The following ARHGEF28 variants were observed in gnomAD, a reference collection of about 807,000 sequenced individuals.
ARHGEF28 encodes Rho guanine nucleotide exchange factor 28.
In ARHGEF28, 152 loss-of-function variants were observed where a neutral mutation model predicts 206.6. The ratio of observed to expected loss-of-function variants is 0.74; its 90% confidence interval spans 0.64 to 0.84. The LOEUF (loss-of-function observed/expected upper bound fraction) is 0.84. ARHGEF28 is among the 40% of genes least tolerant of loss of function. The pLI is 0.00. For missense variants in ARHGEF28, 2,028 were observed against 2,073.2 expected (o/e 0.98, Z 0.42); for synonymous variants, 763 against 776.4 (o/e 0.98, Z 0.29).
At chr5:73,690,891 G>A (rs1747782048) in intron 2 of ARHGEF28, among the ~76,000 whole-genome samples, 1 of 151,856 alleles carries the variant, frequency 6.6e-6, no homozygotes, top group Non-Finnish European at 1.5e-5. Flanking sequence ...GAATATAATA[G>A]TAAGTAAAAT....
chr5:73,924,305 C>T (rs1007044918), intron 35 of ARHGEF28, among the ~76,000 whole-genome samples: 2 of 152,158 alleles, frequency 1.3e-5, no homozygotes, highest in Non-Finnish European at 2.9e-5. Flanking sequence ...GGGAATTATG[C>T]CTAGGTTCAG....
At chr5:73,764,645 G>A (rs1752798254) in intron 4 of ARHGEF28, among the ~76,000 whole-genome samples, 1 of 152,170 alleles carries the variant, frequency 6.6e-6, no homozygotes, top group Non-Finnish European at 1.5e-5. Flanking sequence ...GGAAAAACCT[G>A]CCATTATGCT....
At chr5:73,631,183 C>T (rs1743344708) in intron 1 of ARHGEF28, among the ~76,000 whole-genome samples, 4 of 152,100 alleles carry the variant, frequency 2.6e-5, no homozygotes, top group African/African-American at 9.7e-5. Context: ...TTCTATCAGG[C>T]AAAGAAGTCT....
At chr5:73,751,639 G>A (rs1457907425) in intron 3 of ARHGEF28, among the ~76,000 whole-genome samples, 1 of 152,044 alleles carries the variant, frequency 6.6e-6, no homozygotes, top group East Asian at 1.9e-4. Flanking sequence ...TTACTTGCAT[G>A]TGGTGGCGAC....
At position 73,868,027 on chromosome 5, in the gene ARHGEF28, C is replaced by G. The variant is rs1352897041; in HGVS notation, c.2297+7C>G. ...CAGGCACCACCTTGGAAAGGTAAGGCTGAGTGTGTTTTTACATATTAATGG... is the reference window on the plus strand; with the variant it reads ...CAGGCACCACCTTGGAAAGGTAAGGGTGAGTGTGTTTTTACATATTAATGG... On this transcript the variant is annotated splice_region_variant and intron_variant, in intron 19 of 35. Transcript: ENST00000513042. The G allele has an allele frequency of 1.2e-6, 2 of 1,613,798 alleles. No homozygotes were observed.
chr5:73,667,645 C>T (rs181032034), intron 1 of ARHGEF28, among the ~76,000 whole-genome samples: 2 of 152,316 alleles, frequency 1.3e-5, no homozygotes, highest in East Asian at 1.9e-4. Flanking sequence ...CTTTCCTGGA[C>T]AGCTTTTCTC....
chr5:73,847,105 G>A (rs1020115385), intron 12 of ARHGEF28, among the ~76,000 whole-genome samples: 7 of 152,008 alleles, frequency 4.6e-5, no homozygotes, highest in African/African-American at 1.7e-4. Context: ...TTTTGCGTTT[G>A]AACAGATTTT....
intron 2 of ARHGEF28, among the ~76,000 whole-genome samples, chr5:73,742,740 C>T (rs1273466285): frequency 6.7e-6 from 1 of 148,230 alleles, no homozygotes; most frequent in Admixed American, 6.8e-5. Context: ...AGGAGAATGG[C>T]GTGAACCCGG....
intron 28 of ARHGEF28, among the ~76,000 whole-genome samples, chr5:73,894,157 C>T (rs1334709766): frequency 6.6e-6 from 1 of 152,120 alleles, no homozygotes; most frequent in Non-Finnish European, 1.5e-5. Context: ...GAGAAAGGAA[C>T]CTTATTTACA....
chr5:73,800,140 A>G (rs943884145), intron 9 of ARHGEF28, among the ~76,000 whole-genome samples: 9 of 152,204 alleles, frequency 5.9e-5, no homozygotes, highest in Admixed American at 3.3e-4. Flanking sequence ...AAATTTGGGT[A>G]TATTTCCTAC....
At position 73,776,553 on chromosome 5, in the gene ARHGEF28, C is replaced by G. The variant is rs778326048; in HGVS notation, c.697C>G (p.Gln233Glu). ...ATGGTCCCCAAGCTTCTCCCGAGTG[C>G]AGCTCAGTGAAGAAGCCTCCTTGCA... ...GRWSPSFSRVQLSEEASLHYI... is the reference protein window; with the variant it reads ...GRWSPSFSRVELSEEASLHYI... The change falls in exon 6 of 36, where the codon CAG becomes GAG. Residue 233 changes from glutamine to glutamate, a missense_variant. Gln to Glu is a conservative substitution (Grantham distance 29). Around this residue, in one of 3 missense-constraint regions of ARHGEF28, gnomAD observed 1,002 missense variants for 1,015.3 expected, o/e 0.99. Coordinates refer to ENST00000513042, the MANE Select transcript of ARHGEF28 (RefSeq NM_001177693.2). 17 of 1,613,116 alleles carry G rather than the reference C, an allele frequency of 1.1e-5. No individual in the cohort carries two copies. The highest frequency in any genetic ancestry group is 1.4e-5 in the Non-Finnish European group (17 of 1,179,304).
intron 20 of ARHGEF28, among the ~76,000 whole-genome samples, chr5:73,869,399 C>T (rs563211744): frequency 7.2e-5 from 11 of 152,052 alleles, no homozygotes; most frequent in African/African-American, 1.4e-4. Flanking sequence ...CAAAATAACG[C>T]GGGGCAGAAG....
intron 2 of ARHGEF28, among the ~76,000 whole-genome samples, chr5:73,714,386 A>G (rs1749440300): frequency 6.6e-6 from 1 of 152,194 alleles, no homozygotes; most frequent in Non-Finnish European, 1.5e-5. Flanking sequence ...GTGAAGAAAA[A>G]TAAAACTGGA....
intron 2 of ARHGEF28, among the ~76,000 whole-genome samples, chr5:73,713,730 C>G (rs1561351700): frequency 2.0e-5 from 3 of 152,130 alleles, no homozygotes; most frequent in East Asian, 3.9e-4. Context: ...ACTTTTTAAA[C>G]TTAGGAATGA....
Position 73,675,791 on chromosome 5 carries a change from C to T in ARHGEF28, c.-11-9050C>T, listed in dbSNP as rs181052087. Among the ~76,000 whole-genome samples, 355 of 149,336 alleles carry T rather than the reference C, an allele frequency of 2.4e-3. 2 individuals are homozygous for T. The highest frequency in any genetic ancestry group is 8.5e-3 in the African/African-American group (345 of 40,738). ...TATTTATAAAGTTTATATTTCAATT[C>T]CTTGGCTAAAAAGGAACATAGGATC... On this transcript the variant is annotated intron_variant, in intron 1 of 35. Coordinates refer to ENST00000513042, the MANE Select transcript of ARHGEF28 (RefSeq NM_001177693.2).
intron 1 of ARHGEF28, among the ~76,000 whole-genome samples, chr5:73,632,550 C>A (rs1743434789): frequency 1.3e-5 from 2 of 152,278 alleles, no homozygotes; most frequent in Admixed American, 1.3e-4. Context: ...CTAAGTTTGT[C>A]ACAGTTCTGC....
chr5:73,866,116 A>G, intron 18 of ARHGEF28, 103 bp downstream of exon 18: 1 of 1,039,564 alleles, frequency 9.6e-7, no homozygotes, highest in Non-Finnish European at 1.4e-6. Flanking sequence ...TTATCCAGTT[A>G]TTTCTTCTTT....
chr5:73,831,309 C>T (rs1254560385), intron 9 of ARHGEF28, among the ~76,000 whole-genome samples: 4 of 152,306 alleles, frequency 2.6e-5, no homozygotes, highest in African/African-American at 9.6e-5. Flanking sequence ...TAGCCAAGGT[C>T]ACAAGACACA....
intron 2 of ARHGEF28, among the ~76,000 whole-genome samples, chr5:73,732,039 A>G (rs1204375185): frequency 2.7e-5 from 4 of 147,672 alleles, no homozygotes; most frequent in Non-Finnish European, 4.5e-5. Flanking sequence ...TTTTTTAACA[A>G]TTGATGAACT....
Sources: gnomAD v4.1 joint callset for allele counts (sites outside exome capture counted in the v4.1 genomes callset) on GRCh38, gnomAD v4.1.1 for gene constraint, gnomAD v4.1.1 regional missense constraint, MANE v1.5 for transcripts, NCBI Gene and HGNC (gene_info 2026-07-23, HGNC 2026-07-21) for gene names.